Variants in BRCA1 observed in about 807,000 individuals in gnomAD.
The protein encoded by BRCA1 is breast cancer type 1 susceptibility protein.
BRCA1 carries 140 observed loss-of-function variants against 173.7 expected under a neutral mutation model. The ratio of observed to expected loss-of-function variants is 0.81; its 90% CI spans 0.70 to 0.93. BRCA1 has a LOEUF of 0.93. Among genes scored for constraint, BRCA1 ranks in the 40% least tolerant of loss-of-function variants. The pLI is 0.00. For synonymous variants in BRCA1, 662 were observed against 756.0 expected (o/e 0.88, Z 2.04); for missense variants, 1,983 against 2,172.5 (o/e 0.91, Z 1.73).
chr17:43,119,349 C>T, intron 2 of BRCA1: 1 of 222,148 alleles, frequency 4.5e-6, no homozygotes. Flanking sequence ...TGTAATACAA[C>T]TCTTGTAATC....
At chr17:43,123,293 G>A (rs1024615639) in intron 2 of BRCA1, among the ~76,000 whole-genome samples, 3 of 147,910 alleles carry the variant, frequency 2.0e-5, no homozygotes, top group African/African-American at 7.5e-5. Context: ...TACAGAGCCA[G>A]TTTCAAACAA....
chr17:43,128,194 C>T (rs558521335), upstream of BRCA1, among the ~76,000 whole-genome samples: 3 of 151,392 alleles, frequency 2.0e-5, no homozygotes, highest in Admixed American at 2.0e-4. Context: ...TAACACCGAC[C>T]GCAGAGGTCT....
intron 3 of BRCA1, among the ~76,000 whole-genome samples, chr17:43,113,660 C>G (rs2055138718): frequency 6.6e-6 from 1 of 152,248 alleles, no homozygotes; most frequent in Middle Eastern, 3.4e-3. Context: ...AGCCACCGCG[C>G]CCGTCCTCTA....
chr17:43,142,964 GTGTATATATA>G (rs755672591), intron 1 of BRCA1, among the ~76,000 whole-genome samples: 1,043 of 74,936 alleles, frequency 0.014, 5 homozygotes, highest in South Asian at 0.12. Flanking sequence ...GTGTGTGTGT[GTGTATATATA>G]TGTGTGTATA....
chr17:43,088,368 C>CTT (rs955248890), intron 11 of BRCA1, among the ~76,000 whole-genome samples: 1 of 143,588 alleles, frequency 7.0e-6, no homozygotes, highest in African/African-American at 2.5e-5. Flanking sequence ...ATGAATTTAT[C>CTT]TTTTTTTTTT....
Position 43,097,307 on chromosome 17 carries a change from A to C in BRCA1, c.548-18T>G, listed in dbSNP as rs397507251. 2.0e-5 allele frequency: 32 copies of C among 1,605,130 alleles called. No homozygotes were observed. Among genetic ancestry groups the C allele is most frequent in the Non-Finnish European group, 2.6e-5 (30 of 1,172,696 alleles). On this transcript the variant is annotated intron_variant, in intron 7 of 22. Coordinates refer to ENST00000357654, the MANE Select transcript of BRCA1 (RefSeq NM_007294.4). Reference sequence around the variant, plus strand: ...ATCAGATCCTAAAAAATTTCCCCCCAAAAAATAAATCAATAAAAGTTTTCT... The same window carrying C: ...ATCAGATCCTAAAAAATTTCCCCCCCAAAAATAAATCAATAAAAGTTTTCT...
At chr17:43,053,035 C>A (rs149958317) in intron 19 of BRCA1, among the ~76,000 whole-genome samples, 4 of 151,980 alleles carry the variant, frequency 2.6e-5, no homozygotes, top group Non-Finnish European at 4.4e-5. Context: ...CACCACCACA[C>A]CCGGCTAATT....
chr17:43,059,855 C>T (rs2051671161), intron 18 of BRCA1, among the ~76,000 whole-genome samples: 1 of 152,158 alleles, frequency 6.6e-6, no homozygotes, highest in South Asian at 2.1e-4. Context: ...TGTGTAATCT[C>T]TGCCTCCACA....
At chr17:43,138,850 G>C (rs532260289) in intron 1 of BRCA1, 2 of 778,838 alleles carry the variant, frequency 2.6e-6, no homozygotes, top group African/African-American at 3.4e-5. Context: ...CCTGGGGACC[G>C]TGGGGCTGCA....
At chr17:43,086,706 C>T (rs1240432511) in intron 11 of BRCA1, among the ~76,000 whole-genome samples, 1 of 152,070 alleles carries the variant, frequency 6.6e-6, no homozygotes, top group Non-Finnish European at 1.5e-5. Flanking sequence ...GAAATTGCAA[C>T]CTTAAACTTT....
intron 3 of BRCA1, among the ~76,000 whole-genome samples, chr17:43,112,094 C>CTT (rs879578679): frequency 1.4e-5 from 2 of 144,462 alleles, no homozygotes; most frequent in Admixed American, 1.4e-4. Flanking sequence ...TTATACTGGA[C>CTT]TTTTTTTTTT....
At chr17:43,091,237 TTCAG>T (rs1673905798) in intron 10 of BRCA1, 194 bp downstream of exon 10, 4 of 864,336 alleles carry the variant, frequency 4.6e-6, no homozygotes, top group Admixed American at 4.3e-5. Flanking sequence ...TTAAAGCTCA[TTCAG>T]TCAAAGATGA....
chr17:43,098,279 C>T (rs1004408218), intron 7 of BRCA1, among the ~76,000 whole-genome samples: 1 of 152,002 alleles, frequency 6.6e-6, no homozygotes, highest in Non-Finnish European at 1.5e-5. Context: ...AATCCTCTGC[C>T]ACTGCTGAGA....
intron 1 of BRCA1, among the ~76,000 whole-genome samples, chr17:43,143,034 GTATATATATGTATATATGTGTA>G (rs1302283251): frequency 2.0e-5 from 3 of 149,076 alleles, no homozygotes; most frequent in African/African-American, 4.9e-5. Context: ...ATATATGTGT[GTATATATATGTATATATGTGTA>G]TATATATATG....
intron 2 of BRCA1, among the ~76,000 whole-genome samples, chr17:43,121,176 C>T (rs2055547411): frequency 6.6e-6 from 1 of 151,808 alleles, no homozygotes; most frequent in African/African-American, 2.4e-5. Flanking sequence ...GAGATCGAGA[C>T]CATCTTGGCT....
At chr17:43,104,802 T>C (rs2054665560) in intron 5 of BRCA1, 66 bp downstream of exon 5, 1 of 1,362,698 alleles carries the variant, frequency 7.3e-7, no homozygotes, top group East Asian at 2.3e-5. Context: ...AGAAAGTAAT[T>C]GTGCAAACTT....
At chr17:43,057,498 G>A (rs964855437) in intron 18 of BRCA1, among the ~76,000 whole-genome samples, 4 of 150,698 alleles carry the variant, frequency 2.7e-5, no homozygotes, top group African/African-American at 9.8e-5. Context: ...GTAACAGAGC[G>A]AGACTCCATC....
chr17:43,088,925 A>G (rs2053335797), intron 11 of BRCA1, among the ~76,000 whole-genome samples: 2 of 152,202 alleles, frequency 1.3e-5, no homozygotes, highest in Admixed American at 1.3e-4. Flanking sequence ...GAAGTTGTCA[A>G]TTTAGTGGGA....
At chr17:43,103,832 C>T (rs1449878738) in intron 6 of BRCA1, among the ~76,000 whole-genome samples, 4 of 152,014 alleles carry the variant, frequency 2.6e-5, no homozygotes, top group Non-Finnish European at 5.9e-5. Flanking sequence ...ACCGGCCGGG[C>T]ACAGTGGCTC....
Sources: gnomAD v4.1 joint callset for allele counts (sites outside exome capture counted in the v4.1 genomes callset) on GRCh38, gnomAD v4.1.1 for gene constraint, MANE v1.5 for transcripts, NCBI Gene and HGNC (gene_info 2026-07-23, HGNC 2026-07-21) for gene names.